SEC16A: variants seen among roughly 807,000 people sequenced by gnomAD.
SEC16A encodes the protein SEC16 homolog A, endoplasmic reticulum export factor, also known as protein transport protein Sec16A.
Under a neutral mutation model 221.9 loss-of-function variants are expected in SEC16A, and 110 were observed. That is an observed-to-expected ratio of 0.50 (90% CI 0.42 to 0.58). The LOEUF is 0.58. Ranked by LOEUF, SEC16A falls within the 20% of genes least tolerant of loss-of-function variation. SEC16A has a pLI of 0.00. For synonymous variants in SEC16A, 1,393 were observed against 1,257.7 expected (o/e 1.11, Z -2.28); for missense variants, 3,165 against 3,097.8 (o/e 1.02, Z -0.52).
Position 136,448,088 on chromosome 9 carries a change from T to G in SEC16A, c.6386A>C (p.Lys2129Thr). ...TGCGTATTTGACAGCACTCACCGAT[T>G]TGTTCTTGTCATCTGGCAAATAAGC... is the stretch of plus-strand genomic sequence containing the variant. ...TEAYLPDDKN[K>T]SIVWDEKKNQ... Residue 2129 changes from lysine (K) to threonine (T), a missense_variant, in exon 24 of 32, where the codon AAA becomes ACA. Around this residue, in one of 3 missense-constraint regions of SEC16A, gnomAD observed 1,088 missense variants for 1,089.6 expected, o/e 1.00. Transcript: ENST00000684901. 6.2e-7 allele frequency: 1 copy of G among 1,612,468 alleles called. No homozygotes were observed. Among genetic ancestry groups the G allele is most frequent in the Non-Finnish European group, 8.5e-7 (1 of 1,179,008 alleles).
At chr9:136,478,977 G>A (rs1347469003) in intron 1 of SEC16A, among the ~76,000 whole-genome samples, 147 bp from the exon 2 acceptor site, 2 of 152,112 alleles carry the variant, frequency 1.3e-5, no homozygotes, top group Admixed American at 6.6e-5. Context: ...GGTCTGAAAG[G>A]ACCACCAGCA....
At chr9:136,480,023 G>A (rs112917712) in intron 1 of SEC16A, among the ~76,000 whole-genome samples, 3,523 of 152,068 alleles carry the variant, frequency 0.023, 173 homozygotes, top group African/African-American at 0.079. Flanking sequence ...AGAAAACACT[G>A]ATCAATGTAT....
At position 136,445,103 on chromosome 9, in the gene SEC16A, G is replaced by C. The variant is rs1257457748; in HGVS notation, c.6876C>G (p.Arg2292=). Residue 2292 remains arginine (R), a synonymous_variant, in exon 30 of 32, where the codon CGC becomes CGG. Coordinates refer to ENST00000684901, the MANE Select transcript of SEC16A (RefSeq NM_014866.2). ...PEGSQGGELS[R]CSSMSSLSRE... ...GTGATAATGAACTCATTGAACTACA[G>C]CGCGAAAGCTACAAAACAGCAAGAA... 1 of 1,605,584 alleles carries C rather than the reference G, an allele frequency of 6.2e-7. No individual in the cohort carries two copies. Among genetic ancestry groups the C allele is most frequent in the Non-Finnish European group, 8.5e-7 (1 of 1,176,156 alleles).
rs750778368 is a variant in SEC16A at position 136,447,683 on chromosome 9, G to A, written c.6448-3C>T. 26 of 1,606,142 alleles carry A rather than the reference G, an allele frequency of 1.6e-5. No homozygotes were observed. The highest frequency in any genetic ancestry group is 8.4e-5 in the Admixed American group (5 of 59,670). The stretch of plus-strand genomic sequence containing the variant: ...GGAGGTGGGGGCGGGGCTTTCTTCT[G>A]CAGAGGGAAACACAGCTTCAGACAC... On this transcript the variant is annotated splice_region_variant and splice_polypyrimidine_tract_variant and intron_variant, in intron 25 of 31. Coordinates refer to ENST00000684901, the MANE Select transcript of SEC16A (RefSeq NM_014866.2). This position sits in a 1 kb window ranked among gnomAD's most constrained non-coding sequence, Gnocchi z 5.5.
chr9:136,463,640 G>C, intron 10 of SEC16A, 39 bp from the exon 11 acceptor site: 2 of 1,613,650 alleles, frequency 1.2e-6, no homozygotes, highest in Non-Finnish European at 8.5e-7. Context: ...ATGTCTGCAA[G>C]GCCGGGCTCA....
In SEC16A at chr9:136,447,984, C is replaced by T; in HGVS notation, c.6391-75G>A. On this transcript the variant is annotated intron_variant, in intron 24 of 31. Transcript: ENST00000684901. The surrounding 1 kb of genome is among the most constrained non-coding windows in gnomAD (Gnocchi z 5.5). ...AATTAGCATCTGATTAATGATGACA[C>T]TTCAAAACTTCAGGAAACACCTACT... 6.6e-7 allele frequency: 1 copy of T among 1,518,504 alleles called. No individual in the cohort carries two copies. The highest frequency in any genetic ancestry group is 9.0e-7 in the Non-Finnish European group (1 of 1,109,538). 94.1% of individuals were successfully genotyped at this position (1,518,504 alleles called of 1,614,324 possible). A position where few individuals can be genotyped will look rare whatever the true frequency, so the allele number is the denominator to read the frequency against.
chr9:136,483,235 C>T (rs1308030881), upstream of SEC16A, among the ~76,000 whole-genome samples: 2 of 124,844 alleles, frequency 1.6e-5, no homozygotes, highest in Non-Finnish European at 3.4e-5. Flanking sequence ...GCCCCCTCTG[C>T]CCCCGCCCCT....
intron 23 of SEC16A, among the ~76,000 whole-genome samples, chr9:136,450,198 T>G (rs1309683447): frequency 6.6e-6 from 1 of 152,096 alleles, no homozygotes; most frequent in African/African-American, 2.4e-5. Flanking sequence ...AGTGAGACCC[T>G]GTCTCAAAAC....
intron 19 of SEC16A, 97 bp downstream of exon 19, chr9:136,455,956 A>T: frequency 8.1e-7 from 1 of 1,234,978 alleles, no homozygotes; most frequent in African/African-American, 1.5e-5. Context: ...GTTTGCAGTT[A>T]CACTGTCTTT....
At chr9:136,442,457 G>A (rs938238300) in intron 31 of SEC16A, among the ~76,000 whole-genome samples, 11 of 152,222 alleles carry the variant, frequency 7.2e-5, no homozygotes, top group Non-Finnish European at 4.4e-5. Flanking sequence ...AAGAGTGTGT[G>A]AGGCTGTGAG....
chr9:136,482,601 G>A (rs1842533332), intron 1 of SEC16A, among the ~76,000 whole-genome samples: 1 of 152,262 alleles, frequency 6.6e-6, no homozygotes, highest in Admixed American at 6.5e-5. Flanking sequence ...GTGAGGACAA[G>A]ACACGCTCAT....
At position 136,463,704 on chromosome 9, in the gene SEC16A, G is replaced by T. The variant is rs1424485733; in HGVS notation, c.4483C>A (p.Arg1495=). The part of the protein sequence containing the change: ...LQHTSEQEEM[R]AFPGPLAKDD... ...TTGGCCAGGGGTCCCGGGAACGCCC[G>T]CATCTCCTCCTGCTCAGACGTGTGC... Residue 1495 remains arginine (R), a synonymous_variant, in exon 10 of 32, where the codon CGG becomes AGG. Transcript: ENST00000684901. The T allele has an allele frequency of 6.2e-7, 1 of 1,612,566 alleles. No individual in the cohort carries two copies. Among genetic ancestry groups the T allele is most frequent in the Non-Finnish European group, 8.5e-7 (1 of 1,179,736 alleles).
At chr9:136,449,374 T>C (rs61265760) in intron 23 of SEC16A, among the ~76,000 whole-genome samples, 6,668 of 152,290 alleles carry the variant, frequency 0.044, 275 homozygotes, top group African/African-American at 0.095. Flanking sequence ...CTCAACCTCC[T>C]GAGTAGCTGG....
intron 4 of SEC16A, among the ~76,000 whole-genome samples, chr9:136,468,945 G>T (rs1840509452): frequency 6.6e-6 from 1 of 152,082 alleles, no homozygotes; most frequent in African/African-American, 2.4e-5. Flanking sequence ...CACCTCCCAG[G>T]CTCAAGCAAT....
In SEC16A at chr9:136,466,296, G is replaced by C; in HGVS notation, c.4096C>G (p.Arg1366Gly). The C allele has an allele frequency of 6.4e-7, 1 of 1,568,598 alleles. No homozygotes were observed. The highest frequency in any genetic ancestry group is 1.1e-5 in the South Asian group (1 of 87,172). Reference protein sequence around the residue: ...SLHSAHSLASRRSSLSSHSHQ... With the variant: ...SLHSAHSLASGRSSLSSHSHQ... The stretch of plus-strand genomic sequence containing the variant: ...GAGTGGGAGCTGAGGCTGCTGCGGC[G>C]GCTGGCCAGGCTGTGTGCGCTGTGC... The change falls in exon 7 of 32, where the codon CGC becomes GGC. Residue 1366 changes from arginine to glycine, a missense_variant. By Grantham distance (125) the Arg-to-Gly change is moderately radical (BLOSUM62 -2). Coordinates refer to ENST00000684901, the MANE Select transcript of SEC16A (RefSeq NM_014866.2). This position sits in a 1 kb window ranked among gnomAD's most constrained non-coding sequence, Gnocchi z 5.5.
Position 136,474,778 on chromosome 9 carries a change from C to A in SEC16A, c.2838G>T (p.Lys946Asn). 6.2e-7 allele frequency: 1 copy of A among 1,613,972 alleles called. No homozygotes were observed. Among genetic ancestry groups the A allele is most frequent in the Non-Finnish European group, 8.5e-7 (1 of 1,179,886 alleles). ...NLVPESQKDR[K>N]AGSALPGFAN... ...CAAATCCGGGAAGAGCACTTCCTGC[C>A]TTACGATCCTTTTGACTTTCTGGAA... is the stretch of plus-strand genomic sequence containing the variant. Residue 946 changes from lysine (K) to asparagine (N), a missense_variant, in exon 3 of 32, where the codon AAG becomes AAT. By Grantham distance (94) the Lys-to-Asn change is moderately conservative. Coordinates refer to ENST00000684901, the MANE Select transcript of SEC16A (RefSeq NM_014866.2).
At chr9:136,458,853 G>A (rs989200830) in intron 17 of SEC16A, among the ~76,000 whole-genome samples, 1 of 152,048 alleles carries the variant, frequency 6.6e-6, no homozygotes, top group Non-Finnish European at 1.5e-5. Context: ...GCCTGGGAGT[G>A]ATCAAAACAG....
chr9:136,444,661 C>T (rs981559042), intron 30 of SEC16A, among the ~76,000 whole-genome samples: 2 of 151,930 alleles, frequency 1.3e-5, no homozygotes, highest in African/African-American at 4.8e-5. Context: ...CTGAGGCGGG[C>T]GGATCACCTG....
In SEC16A at chr9:136,459,420, G is replaced by T; in HGVS notation, c.5303+24C>A. The T allele has an allele frequency of 6.5e-7, 1 of 1,546,960 alleles. No homozygotes were observed. On this transcript the variant is annotated intron_variant, in intron 16 of 31. Coordinates refer to ENST00000684901, the MANE Select transcript of SEC16A (RefSeq NM_014866.2). The surrounding 1 kb of genome is among the most constrained non-coding windows in gnomAD (Gnocchi z 6.1). ...TTTACTTTGAAAGGAAAACTTACAG[G>T]ACTACACTGACTTGGTTCTTTACCT...
Sources: allele counts gnomAD v4.1 joint callset (sites outside exome capture counted in the v4.1 genomes callset), GRCh38; gene constraint gnomAD v4.1.1; regional missense constraint gnomAD v4.1.1; non-coding constraint Gnocchi (gnomAD v3.1); transcripts MANE v1.5; gene names NCBI Gene and HGNC (gene_info 2026-07-23, HGNC 2026-07-21).